Variants in GLMP observed in about 807,000 individuals in gnomAD.
The protein encoded by GLMP is glycosylated lysosomal membrane protein.
GLMP carries 36 observed loss-of-function variants against 39.2 expected under a neutral mutation model. The ratio of observed to expected loss-of-function variants is 0.92; its 90% confidence interval spans 0.70 to 1.21. GLMP has a LOEUF of 1.21. Ranked by LOEUF, GLMP falls within the 50% of genes most tolerant of loss-of-function variation. The pLI is 0.00. For missense variants in GLMP, 454 were observed against 505.6 expected, an observed-to-expected ratio of 0.90 and a Z score of 0.98; for synonymous variants, 220 against 218.9, an observed-to-expected ratio of 1.01 and a Z score of -0.04.
Position 156,294,825 on chromosome 1 carries a change from G to A in GLMP, c.312C>T (p.Pro104=), listed in dbSNP as rs151318535. 9 of 1,593,050 alleles carry A rather than the reference G, an allele frequency of 5.6e-6. No individual in the cohort carries two copies. Among genetic ancestry groups the A allele is most frequent in the East Asian group, 2.2e-5 (1 of 44,572 alleles). The change falls in exon 2 of 6, where the codon CCC becomes CCT. Residue 104 remains proline, a synonymous_variant. Transcript: ENST00000362007. ...VNWSLLLSPE[P]DGGLMVLPKD... is the part of the protein sequence containing the mutation. ...TAGGGAGCACCATCAGGCCCCCATC[G>A]GGCTCAGGGGATAGCAGGAGGCTCC...
rs773888803 is a variant in GLMP, at chr1:156,294,194, G to T, written c.622C>A (p.Arg208Ser). 6.2e-7 allele frequency: 1 copy of T among 1,614,062 alleles called. No individual in the cohort carries two copies. The highest frequency in any genetic ancestry group is 8.5e-7 in the Non-Finnish European group (1 of 1,179,896). Residue 208 changes from arginine (R) to serine (S), a missense_variant, in exon 4 of 6, where the codon CGC (arginine) becomes AGC (serine). Transcript: ENST00000362007. ...CAGGTGTCTGCTGTGTGCAGGAGGC[G>T]AGGGGGTTGGGCTGGTCGGCTGGAC... ...SRSSRPAQPP[R>S]LLHTADTCQL... is the part of the protein sequence containing the mutation.
intron 1 of GLMP, 154 bp downstream of exon 1, chr1:156,295,372 C>T: frequency 7.1e-7 from 1 of 1,401,570 alleles, no homozygotes; most frequent in Non-Finnish European, 9.3e-7. Context: ...CAATCCCGTC[C>T]CATGACCCAT....
At position 156,295,552 on chromosome 1, in the gene GLMP, CA is replaced by C; in HGVS notation, c.93del (p.Phe31LeufsTer51). The C allele has an allele frequency of 6.5e-7, 1 of 1,537,304 alleles. No individual in the cohort carries two copies. The highest frequency in any genetic ancestry group is 1.8e-4 in the Middle Eastern group (1 of 5,568). On this transcript the variant is annotated frameshift_variant, in exon 1 of 6. Coordinates refer to ENST00000362007, the MANE Select transcript of GLMP (RefSeq NM_144580.3). LOFTEE classifies it high-confidence loss of function. ...TGGCGGGTCTTCTCCCCCAGCAGGC[CA>C]AATGGGGCTGCAAACAGAAGTAGAG... ...LWTLLLFAAP[F>X]GLLGEKTRQV...
chr1:156,293,830 A>G, intron 4 of GLMP, 188 bp downstream of exon 4: 1 of 1,213,164 alleles, frequency 8.2e-7, no homozygotes, highest in Non-Finnish European at 1.2e-6. Context: ...CCAGAGTGTA[A>G]GTCATATTGC....
At position 156,294,126 on chromosome 1, in the gene GLMP, GTT is replaced by G; in HGVS notation, c.688_689del (p.Asn230ProfsTer16). 6.2e-7 allele frequency: 1 copy of G among 1,614,184 alleles called. No homozygotes were observed. Among genetic ancestry groups the G allele is most frequent in the Non-Finnish European group, 8.5e-7 (1 of 1,180,016 alleles). Reference sequence around the variant, plus strand: ...CTACCTCCAGCCCAAACAGGGAACGGTTTCCCCGGGGAGAGGCTCCAATCAGG... The same window carrying G: ...CTACCTCCAGCCCAAACAGGGAACGGTCCCCGGGGAGAGGCTCCAATCAGG... ...VALIGASPRG[N>X]RSLFGLEVAT... On this transcript the variant is annotated frameshift_variant, in exon 4 of 6. Transcript: ENST00000362007. LOFTEE classifies it high-confidence loss of function.
In GLMP at chr1:156,293,502, C is replaced by G. The variant is rs144757073; in HGVS notation, c.873G>C (p.Pro291=). The change falls in exon 5 of 6, where the codon CCG becomes CCC. Residue 291 remains proline (P), a synonymous_variant. Coordinates refer to ENST00000362007, the MANE Select transcript of GLMP (RefSeq NM_144580.3). The part of the protein sequence containing the change: ...QWRPVAYSQK[P]GGRESALPCQ... ...AGGGCAGGGCTGATTCTCGGCCCCCCGGCTTCTGGGAGTAAGCCACTGGTC... is the reference window on the plus strand; with the variant it reads ...AGGGCAGGGCTGATTCTCGGCCCCCGGGCTTCTGGGAGTAAGCCACTGGTC... The G allele has an allele frequency of 6.2e-7, 1 of 1,614,186 alleles. No individual in the cohort carries two copies.
Position 156,294,751 on chromosome 1 carries a change from C to G in GLMP, c.378+8G>C. ...CTCTTCTCCTTGGTTCTCTCCCAACCTCCTCACCCTGGTAAAAACAAGGGC... is the reference window on the plus strand; with the variant it reads ...CTCTTCTCCTTGGTTCTCTCCCAACGTCCTCACCCTGGTAAAAACAAGGGC... On this transcript the variant is annotated splice_region_variant and intron_variant, in intron 2 of 5. Coordinates refer to ENST00000362007, the MANE Select transcript of GLMP (RefSeq NM_144580.3). 6.5e-7 allele frequency: 1 copy of G among 1,547,516 alleles called. No individual in the cohort carries two copies. The highest frequency in any genetic ancestry group is 1.9e-5 in the Admixed American group (1 of 51,572).
At position 156,294,027 on chromosome 1, in the gene GLMP, G is replaced by C; in HGVS notation, c.789C>G (p.Ala263=). 6.2e-7 allele frequency: 1 copy of C among 1,613,160 alleles called. No individual in the cohort carries two copies. The highest frequency in any genetic ancestry group is 8.5e-7 in the Non-Finnish European group (1 of 1,179,934). Residue 263 remains alanine (A), a synonymous_variant, in exon 4 of 6, where the codon GCC becomes GCG. Coordinates refer to ENST00000362007, the MANE Select transcript of GLMP (RefSeq NM_144580.3). The part of the protein sequence containing the change: ...QHSIDDEYAP[A]VFQLDQLLWG... ...CTCCAGGAAGCCTGACCTGGAAGACGGCCGGTGCATATTCATCGTCGATGG... is the reference window on the plus strand; with the variant it reads ...CTCCAGGAAGCCTGACCTGGAAGACCGCCGGTGCATATTCATCGTCGATGG...
Position 156,294,396 on chromosome 1 carries a change from C to T in GLMP, c.548G>A (p.Arg183Lys). The change falls in exon 3 of 6, where the codon AGG becomes AAG. Residue 183 changes from arginine to lysine, a missense_variant. By Grantham distance (26) the Arg-to-Lys change is conservative. Transcript: ENST00000362007. Reference sequence around the variant, plus strand: ...GGCCAGGCTGCCATTGGCAAAAGTCCTGGTAGGGTCGTTCATGGGGTGGCC... The same window carrying T: ...GGCCAGGCTGCCATTGGCAAAAGTCTTGGTAGGGTCGTTCATGGGGTGGCC... Reference protein sequence around the residue: ...FQGHPMNDPTRTFANGSLAFR... With the variant: ...FQGHPMNDPTKTFANGSLAFR... 1 of 1,614,194 alleles carries T rather than the reference C, an allele frequency of 6.2e-7. No homozygotes were observed. Among genetic ancestry groups the T allele is most frequent in the Non-Finnish European group, 8.5e-7 (1 of 1,180,038 alleles).
intron 4 of GLMP, 181 bp downstream of exon 4, chr1:156,293,836 AT>A: frequency 1.7e-6 from 2 of 1,199,102 alleles, no homozygotes; most frequent in Non-Finnish European, 2.4e-6. Context: ...TGTAAGTCAT[AT>A]TGCACTTTCT....
Position 156,294,114 on chromosome 1 carries a change from A to G in GLMP, c.702T>C (p.Phe234=), listed in dbSNP as rs765949909. ...GGCCCAATGTGGCTACCTCCAGCCC[A>G]AACAGGGAACGGTTTCCCCGGGGAG... ...GASPRGNRSL[F]GLEVATLGQG... The change falls in exon 4 of 6, where the codon TTT becomes TTC. Residue 234 remains phenylalanine, a synonymous_variant. Transcript: ENST00000362007. 1 of 1,614,192 alleles carries G rather than the reference A, an allele frequency of 6.2e-7. No individual in the cohort carries two copies. Among genetic ancestry groups the G allele is most frequent in the East Asian group, 2.2e-5 (1 of 44,884 alleles).
Position 156,293,144 on chromosome 1 carries a change from A to G in GLMP, c.1121T>C (p.Met374Thr). 6.2e-7 allele frequency: 1 copy of G among 1,614,114 alleles called. No individual in the cohort carries two copies. Among genetic ancestry groups the G allele is most frequent in the Admixed American group, 1.7e-5 (1 of 60,022 alleles). The change falls in exon 6 of 6, where the codon ATG becomes ACG. Residue 374 changes from methionine to threonine, a missense_variant. By Grantham distance (81) the Met-to-Thr change is moderately conservative. Transcript: ENST00000362007. ...CCCTGGGGCACCCAGGGCCACTGCCATGATGCCCAGGACTAGTGGGGACAA... is the reference window on the plus strand; with the variant it reads ...CCCTGGGGCACCCAGGGCCACTGCCGTGATGCCCAGGACTAGTGGGGACAA... ...DGLSPLVLGI[M>T]AVALGAPGLM...
rs748932361 is a variant in GLMP at position 156,294,830 on chromosome 1, C to G, written c.307G>C (p.Glu103Gln). The change falls in exon 2 of 6, where the codon GAG becomes CAG. Residue 103 changes from glutamate (E) to glutamine (Q), a missense_variant. Transcript: ENST00000362007. ...AGCACCATCAGGCCCCCATCGGGCTCAGGGGATAGCAGGAGGCTCCAGTTG... is the reference window on the plus strand; with the variant it reads ...AGCACCATCAGGCCCCCATCGGGCTGAGGGGATAGCAGGAGGCTCCAGTTG... ...SVNWSLLLSP[E>Q]PDGGLMVLPK... The G allele has an allele frequency of 1.9e-6, 3 of 1,599,106 alleles. No homozygotes were observed. Among genetic ancestry groups the G allele is most frequent in the Admixed American group, 1.7e-5 (1 of 57,694 alleles).
chr1:156,293,068 G>A lies in GLMP; in HGVS notation c.1197C>T (p.Tyr399=), dbSNP rs1303530303. ...GLVLLLHHKK[Y]SEYQSIN is the part of the protein sequence containing the mutation. ...CTTAATTTATGGACTGGTACTCTGA[G>A]TACTTCTTGTGGTGCAGCAGCAGAA... The change falls in exon 6 of 6, where the codon TAC becomes TAT. Residue 399 remains tyrosine, a synonymous_variant. Transcript: ENST00000362007. 6 of 1,614,154 alleles carry A rather than the reference G, an allele frequency of 3.7e-6. No homozygotes were observed. Among genetic ancestry groups the A allele is most frequent in the Admixed American group, 1.7e-5 (1 of 60,022 alleles).
chr1:156,293,825 G>T (rs976754335), intron 4 of GLMP, 193 bp downstream of exon 4: 1 of 1,237,130 alleles, frequency 8.1e-7, no homozygotes, highest in African/African-American at 1.5e-5. Flanking sequence ...ATCTGCCAGA[G>T]TGTAAGTCAT....
chr1:156,295,573 G>T lies in GLMP; in HGVS notation c.73C>A (p.Leu25Ile). The T allele has an allele frequency of 6.4e-7, 1 of 1,559,264 alleles. No individual in the cohort carries two copies. The highest frequency in any genetic ancestry group is 1.7e-4 in the Middle Eastern group (1 of 5,766). The change falls in exon 1 of 6, where the codon CTT becomes ATT. Residue 25 changes from leucine (L) to isoleucine (I), a missense_variant. Transcript: ENST00000362007. ...AGGCCAAATGGGGCTGCAAACAGAA[G>T]TAGAGTCCAAAGGAGCAGGGGGCTG... ...APSPLLLWTL[L>I]LFAAPFGLLG...
At position 156,293,489 on chromosome 1, in the gene GLMP, A is replaced by T; in HGVS notation, c.886T>A (p.Ser296Thr). The change falls in exon 5 of 6, where the codon TCA (serine) becomes ACA (threonine). Residue 296 changes from serine to threonine, a missense_variant. Coordinates refer to ENST00000362007, the MANE Select transcript of GLMP (RefSeq NM_144580.3). ...AYSQKPGGRESALPCQASPLH... is the reference protein window; with the variant it reads ...AYSQKPGGRETALPCQASPLH... The stretch of plus-strand genomic sequence containing the variant: ...GGGGAAGCTTGGCAGGGCAGGGCTG[A>T]TTCTCGGCCCCCCGGCTTCTGGGAG... 6.2e-7 allele frequency: 1 copy of T among 1,614,170 alleles called. No individual in the cohort carries two copies. Among genetic ancestry groups the T allele is most frequent in the South Asian group, 1.1e-5 (1 of 91,090 alleles).
chr1:156,292,978 A>G lies in GLMP; in HGVS notation c.*66T>C. 1.3e-6 allele frequency: 2 copies of G among 1,556,706 alleles called. No individual in the cohort carries two copies. Among genetic ancestry groups the G allele is most frequent in the African/African-American group, 2.7e-5 (2 of 73,340 alleles). ...GGGGCCGGCTGGAACTTGATGCTCC[A>G]ACCTCCAGAGTTTCGAGGCACAGCA... is the stretch of plus-strand genomic sequence containing the variant. On this transcript the variant is annotated 3_prime_UTR_variant, in exon 6 of 6. Coordinates refer to ENST00000362007, the MANE Select transcript of GLMP (RefSeq NM_144580.3).
chr1:156,293,094 C>CCA lies in GLMP; in HGVS notation c.1169_1170dup (p.Val391TrpfsTer16). ...TACTTCTTGTGGTGCAGCAGCAGAA[C>CCA]CAAGCCGCCCCCTAGCAGCATGAGC... On this transcript the variant is annotated frameshift_variant, in exon 6 of 6. Coordinates refer to ENST00000362007, the MANE Select transcript of GLMP (RefSeq NM_144580.3). LOFTEE classifies it high-confidence loss of function. 2 of 1,614,150 alleles carry CCA rather than the reference C, an allele frequency of 1.2e-6. No individual in the cohort carries two copies. The highest frequency in any genetic ancestry group is 1.7e-6 in the Non-Finnish European group (2 of 1,180,038).
Sources: gnomAD v4.1 joint callset for allele counts on GRCh38, gnomAD v4.1.1 for gene constraint, MANE v1.5 for transcripts, NCBI Gene and HGNC (gene_info 2026-07-23, HGNC 2026-07-21) for gene names.